Variants in CCDC169 observed in about 807,000 individuals in gnomAD.
CCDC169 encodes the protein coiled-coil domain containing 169, also known as coiled-coil domain-containing protein 169.
A neutral mutation model predicts 36.0 loss-of-function variants in CCDC169; 30 were observed. That is an observed-to-expected ratio of 0.83 (90% confidence interval 0.62 to 1.13). The LOEUF is 1.13. Among genes scored for constraint, CCDC169 ranks in the 50% most tolerant of loss-of-function variants. The pLI is 0.00. For synonymous variants in CCDC169, 85 were observed against 81.5 expected, an observed-to-expected ratio of 1.04 and a Z score of -0.23; for missense variants, 245 against 245.9, an observed-to-expected ratio of 1.00 and a Z score of 0.03.
chr13:36,264,653 T>G (rs1407022489), intron 4 of CCDC169, among the ~76,000 whole-genome samples: 1 of 152,216 alleles, frequency 6.6e-6, no homozygotes, highest in Non-Finnish European at 1.5e-5. Flanking sequence ...CTTAAAAATT[T>G]TTAATATACC....
intron 4 of CCDC169, among the ~76,000 whole-genome samples, chr13:36,278,665 T>A (rs1877139314): frequency 6.6e-6 from 1 of 152,106 alleles, no homozygotes; most frequent in South Asian, 2.1e-4. Flanking sequence ...CTCAATAATA[T>A]TCCCTAAATT....
At chr13:36,239,164 G>A (rs9575658) in intron 7 of CCDC169, among the ~76,000 whole-genome samples, 33,074 of 151,694 alleles carry the variant, frequency 0.22, 3,952 homozygotes, top group East Asian at 0.42. Flanking sequence ...CTTGAGCCTG[G>A]GAGTTTAGGG....
At chr13:36,270,697 G>A (rs2138556338) in intron 4 of CCDC169, among the ~76,000 whole-genome samples, 1 of 152,260 alleles carries the variant, frequency 6.6e-6, no homozygotes, top group South Asian at 2.1e-4. Context: ...AATAAATGGT[G>A]CAGGGAAAAC....
intron 4 of CCDC169, among the ~76,000 whole-genome samples, chr13:36,278,417 C>A (rs1259392402): frequency 6.6e-6 from 1 of 152,042 alleles, no homozygotes; most frequent in Admixed American, 6.6e-5. Flanking sequence ...ATTTTCTCAC[C>A]CCTACTCTTC....
intron 2 of CCDC169, among the ~76,000 whole-genome samples, chr13:36,291,989 C>CT (rs35326800): frequency 0.041 from 5,582 of 134,818 alleles, 340 homozygotes; most frequent in East Asian, 0.27. Context: ...AATAAGTCTT[C>CT]TTTTTTTTTT....
chr13:36,285,409 G>A (rs1878058520), intron 2 of CCDC169, among the ~76,000 whole-genome samples: 1 of 152,044 alleles, frequency 6.6e-6, no homozygotes, highest in Admixed American at 6.6e-5. Flanking sequence ...AATTAGCCAG[G>A]CATGGTGGCA....
downstream of CCDC169, chr13:36,227,018 A>G (rs1869911660): frequency 2.3e-6 from 1 of 426,468 alleles, no homozygotes; most frequent in Non-Finnish European, 4.2e-6. Context: ...AAAAATAAAA[A>G]GACCAAGGTG....
intron 7 of CCDC169, among the ~76,000 whole-genome samples, chr13:36,232,404 T>C (rs1354485618): frequency 6.6e-6 from 1 of 152,180 alleles, no homozygotes; most frequent in African/African-American, 2.4e-5. Flanking sequence ...GGGCATTTGC[T>C]GGAACAATAA....
chr13:36,237,966 C>T lies in CCDC169; in HGVS notation c.546-6674G>A, dbSNP rs569149081. Among the ~76,000 whole-genome samples the T allele has an allele frequency of 7.2e-5, 11 of 152,214 alleles. No individual in the cohort carries two copies. In the South Asian group the frequency reaches 2.1e-3, roughly 29 times the overall value. ...GATCTACCATCTAGGTTTTTGTAAG[C>T]GCACTCTGATGTTTGCACAATGACA... is the stretch of plus-strand genomic sequence containing the variant. On this transcript the variant is annotated intron_variant, in intron 7 of 7. Coordinates refer to ENST00000239859, the MANE Select transcript of CCDC169 (RefSeq NM_001144981.3).
intron 4 of CCDC169, among the ~76,000 whole-genome samples, chr13:36,270,723 A>G (rs1875941188): frequency 6.6e-6 from 1 of 152,182 alleles, no homozygotes; most frequent in South Asian, 2.1e-4. Flanking sequence ...ATCCACATGT[A>G]GAAGAATAAA....
At chr13:36,290,681 C>A (rs938402198) in intron 2 of CCDC169, among the ~76,000 whole-genome samples, 6 of 152,100 alleles carry the variant, frequency 3.9e-5, no homozygotes, top group African/African-American at 1.2e-4. Flanking sequence ...TATCTCAATG[C>A]AGAGAATTTA....
chr13:36,283,148 C>T (rs1052073222), intron 4 of CCDC169: 38 of 276,460 alleles, frequency 1.4e-4, no homozygotes, highest in Admixed American at 1.2e-3. Flanking sequence ...AACAAGCGTG[C>T]AAAAGGACTT....
chr13:36,272,829 T>C (rs1876279409), intron 4 of CCDC169, among the ~76,000 whole-genome samples: 1 of 152,160 alleles, frequency 6.6e-6, no homozygotes, highest in South Asian at 2.1e-4. Context: ...CTCCAGAAAA[T>C]AGACTCCTAA....
chr13:36,273,144 C>CTCATTAATTT (rs1876324027), intron 4 of CCDC169, among the ~76,000 whole-genome samples: 1 of 152,158 alleles, frequency 6.6e-6, no homozygotes, highest in South Asian at 2.1e-4. Flanking sequence ...TTCTTCTTAT[C>CTCATTAATTT]CATTAATTTC....
At chr13:36,260,725 C>T (rs1389571226) in intron 4 of CCDC169, among the ~76,000 whole-genome samples, 1 of 152,154 alleles carries the variant, frequency 6.6e-6, no homozygotes, top group African/African-American at 2.4e-5. Flanking sequence ...CTACTTCTTC[C>T]ACTTCTTTGG....
chr13:36,266,287 A>G (rs1020262681), intron 4 of CCDC169, among the ~76,000 whole-genome samples: 1 of 151,996 alleles, frequency 6.6e-6, no homozygotes, highest in African/African-American at 2.4e-5. Context: ...CCTGAGGGGG[A>G]AACCAGTTGT....
In CCDC169 at chr13:36,292,047, G is replaced by T. The variant is rs564301250; in HGVS notation, c.163+3731C>A. ...CTTGTCATCCAGGCTGGAGTGCAAT[G>T]GTGCAATCTTTGCTCACTGCAACCT... On this transcript the variant is annotated intron_variant, in intron 2 of 7. Transcript: ENST00000239859. Among the ~76,000 whole-genome samples, 6 of 148,752 alleles carry T rather than the reference G, an allele frequency of 4.0e-5. No individual in the cohort carries two copies. The South Asian group carries it at 1.3e-3, about 32-fold the overall frequency.
At chr13:36,289,216 T>C (rs1295246126) in intron 2 of CCDC169, among the ~76,000 whole-genome samples, 3 of 152,216 alleles carry the variant, frequency 2.0e-5, no homozygotes, top group Non-Finnish European at 4.4e-5. Context: ...AGTTCAACTA[T>C]TGCTGTCTCA....
chr13:36,284,289 G>C (rs1237736782), intron 2 of CCDC169, among the ~76,000 whole-genome samples: 1 of 151,886 alleles, frequency 6.6e-6, no homozygotes, highest in Non-Finnish European at 1.5e-5. Flanking sequence ...TCACTTACGT[G>C]TCTGCCGTGT....
Sources: allele counts gnomAD v4.1 joint callset (sites outside exome capture counted in the v4.1 genomes callset), GRCh38; gene constraint gnomAD v4.1.1; transcripts MANE v1.5; gene names NCBI Gene and HGNC (gene_info 2026-07-23, HGNC 2026-07-21).